The following NBEA variants were observed in gnomAD, a reference collection of about 807,000 sequenced individuals.
NBEA encodes the protein neurobeachin.
In NBEA, 44 loss-of-function variants were observed where a neutral mutation model predicts 343.4. The observed-to-expected ratio is 0.13, with a 90% CI of 0.10 to 0.16. The LOEUF (loss-of-function observed/expected upper bound fraction) is 0.16. Among genes scored for constraint, NBEA ranks in the 10% least tolerant of loss-of-function variants. The pLI, the probability that NBEA is intolerant of heterozygous loss-of-function variation, is 1.00. For synonymous variants in NBEA, 1,175 were observed against 1,238.7 expected (o/e 0.95, Z 1.08); for missense variants, 2,555 against 3,631.3 (o/e 0.70, Z 7.62).
At chr13:35,319,035 A>G (rs2037948106) in intron 36 of NBEA, among the ~76,000 whole-genome samples, 1 of 151,894 alleles carries the variant, frequency 6.6e-6, no homozygotes, top group South Asian at 2.1e-4. Context: ...TATTTTGTTA[A>G]TCTTTTCAAA....
At chr13:35,416,886 G>A (rs1052663356) in intron 38 of NBEA, among the ~76,000 whole-genome samples, 5 of 151,958 alleles carry the variant, frequency 3.3e-5, no homozygotes, top group African/African-American at 9.7e-5. Context: ...TTGGTTGGTA[G>A]GCTATTAATT....
intron 1 of NBEA, among the ~76,000 whole-genome samples, chr13:35,002,841 A>G (rs2061188778): frequency 6.6e-6 from 1 of 152,154 alleles, no homozygotes; most frequent in Non-Finnish European, 1.5e-5. Context: ...CCCCACAAAA[A>G]GTTGCCGAGA....
At chr13:35,591,099 TATTTC>T (rs1566373749) in intron 46 of NBEA, among the ~76,000 whole-genome samples, 1 of 152,082 alleles carries the variant, frequency 6.6e-6, no homozygotes, top group African/African-American at 2.4e-5. Flanking sequence ...TTCTCTATGT[TATTTC>T]ATTTAATCTT....
intron 39 of NBEA, among the ~76,000 whole-genome samples, chr13:35,448,212 A>G (rs1300553529): frequency 2.0e-5 from 3 of 152,210 alleles, no homozygotes; most frequent in Admixed American, 2.0e-4. Flanking sequence ...AAAGCTTGAT[A>G]TACATTTCAG....
chr13:35,625,109 T>G (rs2083164970), intron 48 of NBEA, among the ~76,000 whole-genome samples: 1 of 152,050 alleles, frequency 6.6e-6, no homozygotes, highest in Non-Finnish European at 1.5e-5. Flanking sequence ...ATATGAAAAG[T>G]AAAACCATAA....
At chr13:35,372,571 G>A (rs143001846) in intron 38 of NBEA, among the ~76,000 whole-genome samples, 3 of 152,296 alleles carry the variant, frequency 2.0e-5, no homozygotes, top group Non-Finnish European at 4.4e-5. Context: ...GATAGGGATA[G>A]CAACAACTGC....
At chr13:35,369,015 G>T (rs1251448222) in intron 38 of NBEA, among the ~76,000 whole-genome samples, 1 of 151,632 alleles carries the variant, frequency 6.6e-6, no homozygotes, top group Non-Finnish European at 1.5e-5. Flanking sequence ...CGAAGTGTTT[G>T]CCTGCATTTT....
At chr13:35,078,446 C>G (rs1337317125) in intron 10 of NBEA, among the ~76,000 whole-genome samples, 1 of 152,034 alleles carries the variant, frequency 6.6e-6, no homozygotes, top group Non-Finnish European at 1.5e-5. Context: ...TTTCTTGTGT[C>G]AAAGAAGAGC....
intron 34 of NBEA, among the ~76,000 whole-genome samples, chr13:35,277,205 C>T (rs1460971196): frequency 2.0e-5 from 3 of 152,004 alleles, no homozygotes; most frequent in Non-Finnish European, 4.4e-5. Flanking sequence ...AAATACAGTA[C>T]ATACACAAAA....
intron 38 of NBEA, among the ~76,000 whole-genome samples, chr13:35,413,761 C>T (rs117282860): frequency 1.3e-5 from 2 of 152,078 alleles, no homozygotes; most frequent in Admixed American, 1.3e-4. Flanking sequence ...CAGTAGTACA[C>T]TGTTCTCGTA....
At chr13:35,097,560 T>C (rs1281686995) in intron 10 of NBEA, among the ~76,000 whole-genome samples, 1 of 152,072 alleles carries the variant, frequency 6.6e-6, no homozygotes, top group African/African-American at 2.4e-5. Context: ...TATGTAACTG[T>C]GAAGTAATGC....
intron 41 of NBEA, among the ~76,000 whole-genome samples, chr13:35,534,169 A>G (rs527683727): frequency 3.9e-5 from 6 of 152,266 alleles, no homozygotes; most frequent in African/African-American, 1.4e-4. Context: ...ATACTCGTAA[A>G]TCTGCCAGTA....
chr13:35,280,842 A>T (rs1221730755), intron 34 of NBEA, among the ~76,000 whole-genome samples: 1 of 151,970 alleles, frequency 6.6e-6, no homozygotes, highest in Non-Finnish European at 1.5e-5. Flanking sequence ...TTCAAAATAT[A>T]ACTCACTTTG....
chr13:35,600,236 C>A (rs931997952), intron 47 of NBEA, among the ~76,000 whole-genome samples: 2 of 152,178 alleles, frequency 1.3e-5, no homozygotes, highest in African/African-American at 4.8e-5. Context: ...GGCAGCTGGT[C>A]AGAAACCAAA....
At chr13:35,107,239 C>T (rs556489731) in intron 11 of NBEA, among the ~76,000 whole-genome samples, 76 of 151,524 alleles carry the variant, frequency 5.0e-4, no homozygotes, top group South Asian at 3.5e-3. Flanking sequence ...TATGATTACC[C>T]GATCTTTACT....
intron 38 of NBEA, among the ~76,000 whole-genome samples, chr13:35,361,120 C>T (rs888219016): frequency 2.0e-5 from 3 of 151,940 alleles, no homozygotes; most frequent in Admixed American, 6.6e-5. Flanking sequence ...TACAGGAAAA[C>T]ACAATATGTT....
intron 1 of NBEA, among the ~76,000 whole-genome samples, chr13:35,000,747 A>G (rs968551901): frequency 1.3e-5 from 2 of 152,036 alleles, no homozygotes; most frequent in Admixed American, 6.6e-5. Context: ...CTTTATCTTT[A>G]TAGATAAATG....
At chr13:35,243,854 T>C (rs1214367815) in intron 34 of NBEA, among the ~76,000 whole-genome samples, 1 of 151,604 alleles carries the variant, frequency 6.6e-6, no homozygotes, top group Non-Finnish European at 1.5e-5. Context: ...AGGTAAAAGG[T>C]GAATAAGGAA....
chr13:35,155,463 A>G (rs537165437), intron 18 of NBEA, among the ~76,000 whole-genome samples: 1 of 152,112 alleles, frequency 6.6e-6, no homozygotes, highest in Non-Finnish European at 1.5e-5. Context: ...GTCTCTACTA[A>G]AAATACAAAA....
Sources: gnomAD v4.1 joint callset for allele counts (sites outside exome capture counted in the v4.1 genomes callset) on GRCh38, gnomAD v4.1.1 for gene constraint, MANE v1.5 for transcripts, NCBI Gene and HGNC (gene_info 2026-07-23, HGNC 2026-07-21) for gene names.